GRIK4: variants seen among roughly 807,000 people sequenced by gnomAD.
GRIK4 encodes the protein glutamate ionotropic receptor kainate type subunit 4, also known as glutamate receptor ionotropic, kainate 4.
In GRIK4, 40 loss-of-function variants were observed where a neutral mutation model predicts 104.9. That is an observed-to-expected ratio of 0.38 (90% confidence interval 0.30 to 0.50). GRIK4 has a LOEUF of 0.50. GRIK4 is among the 20% of genes least tolerant of loss of function. The pLI is 0.93. For missense variants in GRIK4, 1,047 were observed against 1,308.1 expected (o/e 0.80, Z 3.08); for synonymous variants, 485 against 524.9 (o/e 0.92, Z 1.04).
chr11:120,563,747 C>G (rs1199322778), intron 1 of GRIK4, among the ~76,000 whole-genome samples: 2 of 152,170 alleles, frequency 1.3e-5, no homozygotes, highest in African/African-American at 2.4e-5. Flanking sequence ...CTGAATTCCC[C>G]TCCACCCTTC....
chr11:120,551,778 AAAATAAAT>A (rs35993230), intron 1 of GRIK4, among the ~76,000 whole-genome samples: 13 of 150,372 alleles, frequency 8.6e-5, no homozygotes, highest in Admixed American at 3.9e-4. Context: ...GAGACTCTGT[AAAATAAAT>A]AAATAAATAA....
intron 1 of GRIK4, among the ~76,000 whole-genome samples, chr11:120,645,997 C>T (rs2135208984): frequency 6.6e-6 from 1 of 152,294 alleles, no homozygotes; most frequent in East Asian, 1.9e-4. Flanking sequence ...GTGCCCCCAG[C>T]CCCAGATGCC....
intron 1 of GRIK4, among the ~76,000 whole-genome samples, chr11:120,633,235 T>A (rs775647526): frequency 2.0e-5 from 3 of 152,210 alleles, no homozygotes; most frequent in Non-Finnish European, 4.4e-5. Context: ...ATTATCATTT[T>A]GGGCATATTT....
intron 11 of GRIK4, among the ~76,000 whole-genome samples, chr11:120,888,873 C>A (rs907310446): frequency 2.6e-5 from 4 of 152,184 alleles, no homozygotes; most frequent in African/African-American, 9.7e-5. Context: ...TAATGGGTTG[C>A]AACCCACAGT....
chr11:120,536,459 G>T (rs750754102), intron 1 of GRIK4, among the ~76,000 whole-genome samples: 7 of 152,246 alleles, frequency 4.6e-5, no homozygotes, highest in Non-Finnish European at 1.0e-4. Context: ...CTGCAGACAG[G>T]TGGATGCGGA....
chr11:120,818,979 A>C (rs961180355), intron 5 of GRIK4, among the ~76,000 whole-genome samples: 1 of 152,238 alleles, frequency 6.6e-6, no homozygotes, highest in African/African-American at 2.4e-5. Context: ...CTAAGCCGCC[A>C]ATAAAGCAGC....
intron 16 of GRIK4, among the ~76,000 whole-genome samples, chr11:120,959,215 A>G (rs1000408389): frequency 5.3e-5 from 8 of 152,360 alleles, no homozygotes; most frequent in Non-Finnish European, 8.8e-5. Context: ...ATGAGCTCAG[A>G]GAAGGCGAGT....
chr11:120,808,328 A>C (rs1952758495), intron 4 of GRIK4, among the ~76,000 whole-genome samples: 1 of 152,216 alleles, frequency 6.6e-6, no homozygotes, highest in Non-Finnish European at 1.5e-5. Flanking sequence ...TGTTGTGAAG[A>C]TTAAATGAGA....
At chr11:120,864,676 C>G (rs190719573) in intron 9 of GRIK4, among the ~76,000 whole-genome samples, 89 of 152,372 alleles carry the variant, frequency 5.8e-4, no homozygotes, top group Admixed American at 9.1e-4. Flanking sequence ...GTCCCAGGCT[C>G]TATTTCCTCA....
intron 8 of GRIK4, among the ~76,000 whole-genome samples, chr11:120,837,167 G>A (rs1953595707): frequency 6.6e-6 from 1 of 152,138 alleles, no homozygotes; most frequent in Non-Finnish European, 1.5e-5. Flanking sequence ...ATGGACTTAG[G>A]GATCAGGTGT....
intron 4 of GRIK4, among the ~76,000 whole-genome samples, chr11:120,809,245 A>T (rs1163549222): frequency 6.6e-6 from 1 of 152,118 alleles, no homozygotes; most frequent in African/African-American, 2.4e-5. Context: ...TGAGATGAAG[A>T]AGTCCCTCCA....
At chr11:120,745,610 T>A (rs1393450798) in intron 3 of GRIK4, among the ~76,000 whole-genome samples, 1 of 152,114 alleles carries the variant, frequency 6.6e-6, no homozygotes, top group East Asian at 1.9e-4. Context: ...GGTGAAAGGG[T>A]ATGAACATCT....
In GRIK4 at chr11:120,905,345, G is replaced by A. The variant is rs1174620337; in HGVS notation, c.1328G>A (p.Arg443His). 3 of 1,614,008 alleles carry A rather than the reference G, an allele frequency of 1.9e-6. No homozygotes were observed. Among genetic ancestry groups the A allele is most frequent in the African/African-American group, 2.7e-5 (2 of 75,066 alleles). The change falls in exon 13 of 21, where the codon CGC becomes CAC. Residue 443 changes from arginine to histidine, a missense_variant. Coordinates refer to ENST00000527524, the MANE Select transcript of GRIK4 (RefSeq NM_014619.5). This position sits in a 1 kb window ranked among gnomAD's most constrained non-coding sequence, Gnocchi z 5.1. ...CACCAGGAGATGGAAGGCAATGACC[G>A]CTACGAGGGCTTCTGTGTGGACATG... ...GNHQEMEGND[R>H]YEGFCVDMLK...
rs80302408 is a variant in GRIK4, at chr11:120,708,295, C to A, written c.82+47895C>A. Among the ~76,000 whole-genome samples the A allele has an allele frequency of 3.7e-3, 566 of 152,208 alleles. 4 individuals carry two copies. The highest frequency in any genetic ancestry group is 0.011 in the African/African-American group (467 of 41,530). Reference sequence around the variant, plus strand: ...CTGTAGCGCCTGATGTGTTTCTACCCTGGGTGTGGTGGTGGGGGCAGCAAA... The same window carrying A: ...CTGTAGCGCCTGATGTGTTTCTACCATGGGTGTGGTGGTGGGGGCAGCAAA... On this transcript the variant is annotated intron_variant, in intron 3 of 20. Coordinates refer to ENST00000527524, the MANE Select transcript of GRIK4 (RefSeq NM_014619.5).
At chr11:120,735,143 A>T (rs185385454) in intron 3 of GRIK4, among the ~76,000 whole-genome samples, 1 of 152,088 alleles carries the variant, frequency 6.6e-6, no homozygotes, top group Non-Finnish European at 1.5e-5. Context: ...ATGTTTGTCA[A>T]TGTTGGGCAT....
In GRIK4 at chr11:120,718,755, G is replaced by GC. The variant is rs1348681617; in HGVS notation, c.82+58358dup. Among the ~76,000 whole-genome samples the GC allele has an allele frequency of 2.6e-5, 4 of 152,366 alleles. No homozygotes were observed. In the East Asian group the frequency reaches 7.7e-4, roughly 29 times the overall value. ...GGCCAGCCTGGCCGCTGTTGCCTGT[G>GC]CCCAGGACCTGCCAGTACCAACCTT... On this transcript the variant is annotated intron_variant, in intron 3 of 20. Coordinates refer to ENST00000527524, the MANE Select transcript of GRIK4 (RefSeq NM_014619.5).
At chr11:120,603,986 C>T (rs1386948092) in intron 1 of GRIK4, among the ~76,000 whole-genome samples, 5 of 151,650 alleles carry the variant, frequency 3.3e-5, no homozygotes, top group African/African-American at 4.8e-5. Context: ...CTGGCTAACA[C>T]GGTGAAACCC....
chr11:120,976,118 TTAACTG>T (rs1279636295), intron 19 of GRIK4, among the ~76,000 whole-genome samples: 1 of 152,228 alleles, frequency 6.6e-6, no homozygotes, highest in African/African-American at 2.4e-5. Flanking sequence ...TTCTCTTTCT[TTAACTG>T]TAAAGTGGGG....
intron 17 of GRIK4, among the ~76,000 whole-genome samples, chr11:120,962,212 G>C (rs1944299393): frequency 6.6e-6 from 1 of 152,200 alleles, no homozygotes; most frequent in Admixed American, 6.5e-5. Flanking sequence ...CAGGACCTTA[G>C]TGCGCTGTTG....
Sources: allele counts gnomAD v4.1 joint callset (sites outside exome capture counted in the v4.1 genomes callset), GRCh38; gene constraint gnomAD v4.1.1; non-coding constraint Gnocchi (gnomAD v3.1); transcripts MANE v1.5; gene names NCBI Gene and HGNC (gene_info 2026-07-23, HGNC 2026-07-21).